Variants in LYPD6B observed in about 807,000 individuals in gnomAD.
LYPD6B encodes the protein LY6/PLAUR domain containing 6B.
In LYPD6B, 17 loss-of-function variants were observed where a neutral mutation model predicts 22.8. That is an observed-to-expected ratio of 0.75 (90% CI 0.51 to 1.12). The LOEUF (loss-of-function observed/expected upper bound fraction) is 1.12, where lower values mean the gene tolerates loss of function less well. Ranked by LOEUF, LYPD6B falls within the 50% of genes most tolerant of loss-of-function variation. LYPD6B has a pLI of 0.00. For missense variants in LYPD6B, 221 were observed against 258.3 expected, an observed-to-expected ratio of 0.86 and a Z score of 0.99; for synonymous variants, 106 against 91.6, an observed-to-expected ratio of 1.16 and a Z score of -0.90.
chr2:149,111,728 T>G (rs1230908131), intron 1 of LYPD6B, among the ~76,000 whole-genome samples: 1 of 152,102 alleles, frequency 6.6e-6, no homozygotes, highest in Non-Finnish European at 1.5e-5. Context: ...ATTTAAAGGT[T>G]AGGTCTGGAT....
chr2:149,099,063 TC>T (rs1331848851), intron 1 of LYPD6B, among the ~76,000 whole-genome samples: 3 of 152,124 alleles, frequency 2.0e-5, no homozygotes, highest in Non-Finnish European at 4.4e-5. Flanking sequence ...CTTAGTGAAA[TC>T]TGCAAAATAA....
chr2:149,109,336 G>A (rs1406483618), intron 1 of LYPD6B, among the ~76,000 whole-genome samples: 1 of 152,060 alleles, frequency 6.6e-6, no homozygotes, highest in Non-Finnish European at 1.5e-5. Context: ...TAAAGATGTT[G>A]TTCTGCCATC....
chr2:149,075,252 C>T (rs775999543), intron 1 of LYPD6B, among the ~76,000 whole-genome samples: 4 of 152,144 alleles, frequency 2.6e-5, no homozygotes, highest in Non-Finnish European at 5.9e-5. Context: ...CTGTTGCTTC[C>T]TTATGGGGCA....
At position 149,134,754 on chromosome 2, in the gene LYPD6B, C is replaced by T. The variant is rs557191088; in HGVS notation, c.5+3801C>T. Among the ~76,000 whole-genome samples, 7 of 152,302 alleles carry T rather than the reference C, an allele frequency of 4.6e-5. No individual in the cohort carries two copies. The South Asian group carries it at 6.2e-4, about 14-fold the overall frequency. ...CAAGCCAGGATCCATCCTGAGACCA[C>T]GTAGTCAATCTGGGTTGTCAATCAC... On this transcript the variant is annotated intron_variant, in intron 2 of 6. Coordinates refer to ENST00000409642, the MANE Select transcript of LYPD6B (RefSeq NM_177964.5).
intron 1 of LYPD6B, among the ~76,000 whole-genome samples, chr2:149,068,314 C>G (rs1684435724): frequency 6.6e-6 from 1 of 152,122 alleles, no homozygotes; most frequent in Admixed American, 6.6e-5. Context: ...ACGAGTTAGA[C>G]TCTTTCTCCA....
chr2:149,178,432 C>T (rs758012367), intron 3 of LYPD6B, among the ~76,000 whole-genome samples: 3 of 152,144 alleles, frequency 2.0e-5, no homozygotes, highest in Non-Finnish European at 4.4e-5. Context: ...TTACTCCCCC[C>T]ACCCCCGTGA....
intron 3 of LYPD6B, among the ~76,000 whole-genome samples, chr2:149,174,654 T>C (rs112337322): frequency 0.1 from 15,194 of 152,172 alleles, 888 homozygotes; most frequent in Non-Finnish European, 0.11. Context: ...GTAGTTTTTG[T>C]CTTTAGTTCT....
chr2:149,183,919 G>A (rs1489180222), intron 3 of LYPD6B, among the ~76,000 whole-genome samples: 8 of 151,916 alleles, frequency 5.3e-5, no homozygotes, highest in East Asian at 1.9e-4. Flanking sequence ...TTGGCCAGGC[G>A]CAGTGGCTCA....
chr2:149,091,128 A>C (rs1685629684), intron 1 of LYPD6B, among the ~76,000 whole-genome samples: 1 of 152,106 alleles, frequency 6.6e-6, no homozygotes, highest in African/African-American at 2.4e-5. Flanking sequence ...CTTGATTTAC[A>C]CTGAACTTTG....
chr2:149,120,376 TATATATA>T (rs1312007954), intron 1 of LYPD6B, among the ~76,000 whole-genome samples: 1 of 45,562 alleles, frequency 2.2e-5, no homozygotes, highest in Non-Finnish European at 4.1e-5. Context: ...TATATATATA[TATATATA>T]TTTTTTTTTT....
intron 3 of LYPD6B, among the ~76,000 whole-genome samples, chr2:149,186,288 G>A (rs1327692813): frequency 6.6e-6 from 1 of 152,190 alleles, no homozygotes; most frequent in Non-Finnish European, 1.5e-5. Flanking sequence ...CAGCCTTATT[G>A]CTAATACAGA....
At position 149,213,089 on chromosome 2, in the gene LYPD6B, C is replaced by T. The variant is rs961699829; in HGVS notation, c.426C>T (p.Val142=). The T allele has an allele frequency of 3.4e-5, 55 of 1,613,878 alleles. No individual in the cohort carries two copies. Among genetic ancestry groups the T allele is most frequent in the East Asian group, 8.9e-5 (4 of 44,868 alleles). The change falls in exon 6 of 7, where the codon GTC becomes GTT. Residue 142 remains valine (V), a synonymous_variant. Transcript: ENST00000409642. ...CCTCCAGAAGTGAATGTCATTTTGT[C>T]GGTTGCCACCACAGCCGAGATTCTG... ...KCASRSECHF[V]GCHHSRDSEH...
chr2:149,173,494 G>A (rs945236069), intron 3 of LYPD6B, among the ~76,000 whole-genome samples: 1 of 151,604 alleles, frequency 6.6e-6, no homozygotes, highest in Non-Finnish European at 1.5e-5. Flanking sequence ...TGATAAAAAT[G>A]TTAACTACAA....
intron 1 of LYPD6B, among the ~76,000 whole-genome samples, chr2:149,098,471 G>A (rs528637169): frequency 6.6e-5 from 10 of 151,520 alleles, no homozygotes; most frequent in South Asian, 2.1e-4. Flanking sequence ...CTAAAAATAC[G>A]AAAAAATTAG....
At chr2:149,188,672 GA>G in intron 3 of LYPD6B, 1 of 980,148 alleles carries the variant, frequency 1.0e-6, no homozygotes, top group Non-Finnish European at 1.2e-6. Context: ...TTAGTCTAAG[GA>G]AAATGGTGAC....
intron 1 of LYPD6B, chr2:149,077,675 C>A (rs908049667): frequency 2.0e-5 from 3 of 152,156 alleles, no homozygotes; most frequent in African/African-American, 7.2e-5. Context: ...TAAACACATA[C>A]AGTTATAATT....
intron 1 of LYPD6B, among the ~76,000 whole-genome samples, chr2:149,046,078 G>A (rs1683292193): frequency 6.6e-6 from 1 of 152,084 alleles, no homozygotes; most frequent in African/African-American, 2.4e-5. Flanking sequence ...GTTGTTAAGT[G>A]CATACACATT....
intron 1 of LYPD6B, among the ~76,000 whole-genome samples, chr2:149,120,505 C>T (rs941428143): frequency 2.0e-5 from 3 of 147,316 alleles, no homozygotes; most frequent in African/African-American, 7.5e-5. Context: ...GCCTCAGCCT[C>T]CCAAGTAGCT....
intron 3 of LYPD6B, among the ~76,000 whole-genome samples, chr2:149,166,989 G>A (rs1226399326): frequency 6.6e-6 from 1 of 151,664 alleles, no homozygotes; most frequent in African/African-American, 2.4e-5. Context: ...TGGAAACCCT[G>A]TTACCTTCAT....
Sources: gnomAD v4.1 joint callset for allele counts (sites outside exome capture counted in the v4.1 genomes callset) on GRCh38, gnomAD v4.1.1 for gene constraint, MANE v1.5 for transcripts, NCBI Gene and HGNC (gene_info 2026-07-23, HGNC 2026-07-21) for gene names.